DDI2: variants seen among roughly 807,000 people sequenced by gnomAD.
The protein encoded by DDI2 is protein DDI1 homolog 2.
DDI2 carries 5 observed loss-of-function variants against 48.1 expected under a neutral mutation model. That is an observed-to-expected ratio of 0.10 (90% confidence interval 0.05 to 0.22). The LOEUF is 0.22. DDI2 is among the 10% of genes least tolerant of loss of function. The pLI, the probability that DDI2 is intolerant of heterozygous loss-of-function variation, is 1.00. For synonymous variants in DDI2, 205 were observed against 183.6 expected, an observed-to-expected ratio of 1.12 and a Z score of -0.94; for missense variants, 285 against 506.2, an observed-to-expected ratio of 0.56 and a Z score of 4.19.
At position 15,633,512 on chromosome 1, in the gene DDI2, T is replaced by C; in HGVS notation, c.579T>C (p.Phe193=). The part of the protein sequence containing the change: ...ARREQERIRL[F]SADPFDLEAQ... ...GAGAGCAAGAAAGGATTCGTCTGTT[T>C]TCTGCTGATCCCTTTGACCTTGAAG... The change falls in exon 4 of 10, where the codon TTT becomes TTC. Residue 193 remains phenylalanine (F), a synonymous_variant. Coordinates refer to ENST00000480945, the MANE Select transcript of DDI2 (RefSeq NM_032341.5). 6.2e-7 allele frequency: 1 copy of C among 1,613,836 alleles called. No individual in the cohort carries two copies. The highest frequency in any genetic ancestry group is 8.5e-7 in the Non-Finnish European group (1 of 1,179,774).
chr1:15,626,912 ACT>A, intron 2 of DDI2, 114 bp downstream of exon 2: 4 of 1,324,190 alleles, frequency 3.0e-6, no homozygotes, highest in East Asian at 2.4e-5. Flanking sequence ...ACAGATCCTG[ACT>A]CTGCCTTTTC....
At chr1:15,618,614 C>T (rs943304503) in intron 1 of DDI2, among the ~76,000 whole-genome samples, 1 of 152,144 alleles carries the variant, frequency 6.6e-6, no homozygotes, top group Admixed American at 6.5e-5. Context: ...TTTCATTTCC[C>T]TACTCAGCTT....
At position 15,657,784 on chromosome 1, in the gene DDI2, C is replaced by G. The variant is rs907957745; in HGVS notation, c.*46+1105C>G. Among the ~76,000 whole-genome samples, 9 of 152,284 alleles carry G rather than the reference C, an allele frequency of 5.9e-5. No individual in the cohort carries two copies. The East Asian group carries it at 1.7e-3, about 29-fold the overall frequency. On this transcript the variant is annotated intron_variant, in intron 9 of 9. Transcript: ENST00000480945. ...CCTTAGTTTTAAATAAAACTAATAA[C>G]TGTTAGACATCTGGTGGTATGAAAA...
At chr1:15,624,011 C>T (rs915492151) in intron 1 of DDI2, among the ~76,000 whole-genome samples, 3 of 152,102 alleles carry the variant, frequency 2.0e-5, no homozygotes, top group Non-Finnish European at 4.4e-5. Flanking sequence ...GCCGAGATCC[C>T]GCCACTGCAC....
chr1:15,651,217 C>T (rs563752244), intron 7 of DDI2, among the ~76,000 whole-genome samples: 1 of 152,306 alleles, frequency 6.6e-6, no homozygotes, highest in South Asian at 2.1e-4. Flanking sequence ...TTGTCACTGC[C>T]TTTCCTTATT....
chr1:15,642,524 C>A (rs1249999656), intron 5 of DDI2, among the ~76,000 whole-genome samples: 1 of 152,148 alleles, frequency 6.6e-6, no homozygotes, highest in African/African-American at 2.4e-5. Context: ...CTATGTTGCC[C>A]AAGCTGGTTT....
rs528818421 is a variant in DDI2 at position 15,619,143 on chromosome 1, C to T, written c.138+1335C>T. The stretch of plus-strand genomic sequence containing the variant: ...TCTTTTTTTGTTTTTGTTTTTGAGA[C>T]GGAGTCTTGCTCTGTCGCCCATGCT... On this transcript the variant is annotated intron_variant, in intron 1 of 9. Transcript: ENST00000480945. Among the ~76,000 whole-genome samples the T allele has an allele frequency of 1.1e-4, 17 of 152,236 alleles. No individual in the cohort carries two copies. The South Asian group carries it at 3.5e-3, about 32-fold the overall frequency.
intron 1 of DDI2, among the ~76,000 whole-genome samples, chr1:15,624,444 G>T (rs1024364664): frequency 1.3e-5 from 2 of 152,030 alleles, no homozygotes; most frequent in African/African-American, 4.8e-5. Flanking sequence ...GTTGCAGTCT[G>T]TTGAAATGTG....
chr1:15,618,721 A>G (rs970016488), intron 1 of DDI2, among the ~76,000 whole-genome samples: 1 of 152,212 alleles, frequency 6.6e-6, no homozygotes, highest in Admixed American at 6.5e-5. Context: ...AGAATCGGTG[A>G]CACTAACGCT....
intron 4 of DDI2, chr1:15,634,000 C>T (rs998370289): frequency 1.6e-5 from 5 of 316,348 alleles, no homozygotes; most frequent in South Asian, 2.6e-5. Flanking sequence ...GAGGGCTCTG[C>T]GCCGATGGAA....
intron 5 of DDI2, 96 bp downstream of exon 5, chr1:15,638,530 CTTT>C (rs775059343): frequency 0.05 from 28,433 of 565,230 alleles, 1 homozygote; most frequent in Middle Eastern, 0.062. Flanking sequence ...GATGGCTGTA[CTTT>C]TTTTTTTTTT....
At chr1:15,623,115 G>A (rs1320424182) in intron 1 of DDI2, among the ~76,000 whole-genome samples, 1 of 152,210 alleles carries the variant, frequency 6.6e-6, no homozygotes, top group Non-Finnish European at 1.5e-5. Context: ...GTGATGGAGT[G>A]AAGTATGGCA....
intron 4 of DDI2, among the ~76,000 whole-genome samples, chr1:15,637,803 C>G (rs1198237613): frequency 6.6e-6 from 1 of 152,100 alleles, no homozygotes; most frequent in East Asian, 1.9e-4. Context: ...CTTTGTACCT[C>G]TTGGCAACCT....
chr1:15,633,620 T>C (rs1412237667), intron 4 of DDI2, 55 bp downstream of exon 4: 5 of 1,595,972 alleles, frequency 3.1e-6, no homozygotes, highest in Non-Finnish European at 4.3e-6. Flanking sequence ...TTTCCCAGAC[T>C]GCAGGTTATC....
At chr1:15,626,364 T>A (rs1216135118) in intron 1 of DDI2, among the ~76,000 whole-genome samples, 1 of 151,976 alleles carries the variant, frequency 6.6e-6, no homozygotes, top group Admixed American at 6.6e-5. Context: ...AGGAAAAAAA[T>A]GAGTGGAAAA....
intron 9 of DDI2, 45 bp from the exon 10 acceptor site, chr1:15,659,792 T>C: frequency 6.8e-7 from 1 of 1,477,780 alleles, no homozygotes; most frequent in Admixed American, 2.5e-5. Flanking sequence ...GTGGCATTAG[T>C]CACCTGCTAA....
intron 8 of DDI2, among the ~76,000 whole-genome samples, chr1:15,653,739 C>T (rs1370497918): frequency 2.0e-5 from 3 of 151,976 alleles, no homozygotes; most frequent in African/African-American, 7.3e-5. Flanking sequence ...TCAAGCAATC[C>T]ACCCGCCTCA....
At position 15,661,693 on chromosome 1, in the gene DDI2, C is replaced by T; in HGVS notation, c.*1903C>T. On this transcript the variant is annotated 3_prime_UTR_variant, in exon 10 of 10. Coordinates refer to ENST00000480945, the MANE Select transcript of DDI2 (RefSeq NM_032341.5). ...TGCAGACCTTGCACTTCTTGTTTTG[C>T]TCGCAAAAAACATCGTAGTTCCTAC... 6.2e-7 allele frequency: 1 copy of T among 1,609,414 alleles called. No homozygotes were observed. Among genetic ancestry groups the T allele is most frequent in the Non-Finnish European group, 8.5e-7 (1 of 1,177,980 alleles).
At chr1:15,640,709 A>G (rs766378201) in intron 5 of DDI2, among the ~76,000 whole-genome samples, 40 of 152,226 alleles carry the variant, frequency 2.6e-4, no homozygotes, top group Non-Finnish European at 4.6e-4. Flanking sequence ...GGAAGAAAAG[A>G]GAGAATTGCC....
Sources: allele counts gnomAD v4.1 joint callset (sites outside exome capture counted in the v4.1 genomes callset), GRCh38; gene constraint gnomAD v4.1.1; transcripts MANE v1.5; gene names NCBI Gene and HGNC (gene_info 2026-07-23, HGNC 2026-07-21).